PDCL2: variants seen among roughly 807,000 people sequenced by gnomAD.
PDCL2 encodes phosducin like 2, also known as phosducin-like protein 2.
A neutral mutation model predicts 30.3 loss-of-function variants in PDCL2; 23 were observed. The ratio of observed to expected loss-of-function variants is 0.76; its 90% confidence interval spans 0.55 to 1.08. The LOEUF (loss-of-function observed/expected upper bound fraction) is 1.08, where lower values mean the gene tolerates loss of function less well. Among genes scored for constraint, PDCL2 ranks in the 50% least tolerant of loss-of-function variants. The pLI is 0.00. For missense variants in PDCL2, 243 were observed against 282.3 expected, an observed-to-expected ratio of 0.86 and a Z score of 1.00; for synonymous variants, 68 against 86.2, an observed-to-expected ratio of 0.79 and a Z score of 1.17.
intron 4 of PDCL2, among the ~76,000 whole-genome samples, chr4:55,569,483 G>A (rs553149969): frequency 6.6e-6 from 1 of 152,162 alleles, no homozygotes; most frequent in South Asian, 2.1e-4. Flanking sequence ...CTACCAAAGA[G>A]TGCTTATTTT....
chr4:55,573,547 C>G (rs1457347028), intron 3 of PDCL2, among the ~76,000 whole-genome samples: 1 of 152,010 alleles, frequency 6.6e-6, no homozygotes, highest in Non-Finnish European at 1.5e-5. Flanking sequence ...GTCAGGAGTT[C>G]GAGACCAGCC....
At chr4:55,579,560 A>T (rs548762683) in intron 3 of PDCL2, among the ~76,000 whole-genome samples, 1 of 151,752 alleles carries the variant, frequency 6.6e-6, no homozygotes, top group East Asian at 2.0e-4. Context: ...CAGGTGATCC[A>T]CCCGCCTTGG....
At chr4:55,564,962 A>T (rs1227279039) in intron 4 of PDCL2, among the ~76,000 whole-genome samples, 4 of 152,154 alleles carry the variant, frequency 2.6e-5, no homozygotes, top group Admixed American at 2.6e-4. Context: ...TAACTCTGGG[A>T]GAATTTCAGT....
chr4:55,569,589 G>T, intron 4 of PDCL2, 129 bp downstream of exon 4: 1 of 458,862 alleles, frequency 2.2e-6, no homozygotes, highest in Non-Finnish European at 3.7e-6. Flanking sequence ...AACCTCTATG[G>T]ATGTATATGT....
At chr4:55,558,891 C>T (rs1225456701) in intron 5 of PDCL2, among the ~76,000 whole-genome samples, 1 of 152,094 alleles carries the variant, frequency 6.6e-6, no homozygotes, top group Non-Finnish European at 1.5e-5. Context: ...CACACATACC[C>T]ACTCTTATAA....
chr4:55,582,295 G>C, intron 1 of PDCL2, 58 bp from the exon 2 acceptor site: 1 of 1,479,758 alleles, frequency 6.8e-7, no homozygotes, highest in East Asian at 2.3e-5. Context: ...ATATGTATTT[G>C]GAAAATTCAT....
At chr4:55,589,971 C>T (rs1229761422) in intron 1 of PDCL2, among the ~76,000 whole-genome samples, 1 of 151,872 alleles carries the variant, frequency 6.6e-6, no homozygotes, top group South Asian at 2.1e-4. Flanking sequence ...CCAAAGCAGG[C>T]AGATCTTTTG....
At chr4:55,580,977 T>A in intron 2 of PDCL2, 66 bp from the exon 3 acceptor site, 1 of 1,166,138 alleles carries the variant, frequency 8.6e-7, no homozygotes, top group Non-Finnish European at 1.1e-6. Context: ...AGTCAATGTC[T>A]AGAAAAAAAC....
chr4:55,571,522 C>T (rs531887361), intron 3 of PDCL2, among the ~76,000 whole-genome samples: 1 of 142,592 alleles, frequency 7.0e-6, no homozygotes, highest in Admixed American at 7.3e-5. Flanking sequence ...CCCGTCTCTA[C>T]TAAAAATACA....
intron 1 of PDCL2, among the ~76,000 whole-genome samples, chr4:55,587,565 T>A (rs921250157): frequency 7.4e-5 from 11 of 148,156 alleles, no homozygotes; most frequent in South Asian, 2.1e-4. Flanking sequence ...TTTTTTTAAA[T>A]TTTTTTTTTT....
intron 4 of PDCL2, among the ~76,000 whole-genome samples, chr4:55,566,429 C>CTTTTTTTTTTTT (rs59299412): frequency 7.1e-5 from 9 of 126,912 alleles, no homozygotes; most frequent in South Asian, 2.5e-4. Context: ...TCCTTTTTCT[C>CTTTTTTTTTTTT]TTTTTTTTTT....
intron 3 of PDCL2, among the ~76,000 whole-genome samples, chr4:55,575,132 C>G (rs149358545): frequency 6.6e-6 from 1 of 152,208 alleles, no homozygotes; most frequent in East Asian, 1.9e-4. Context: ...TAGTTAGTGT[C>G]AGAATTGAAA....
chr4:55,571,050 G>A (rs941739069), intron 3 of PDCL2, among the ~76,000 whole-genome samples: 10 of 152,030 alleles, frequency 6.6e-5, no homozygotes, highest in Non-Finnish European at 1.3e-4. Context: ...TTATCAGACT[G>A]AGCCATGATC....
intron 4 of PDCL2, among the ~76,000 whole-genome samples, chr4:55,566,609 G>A (rs1031747158): frequency 2.0e-5 from 3 of 151,110 alleles, no homozygotes; most frequent in Non-Finnish European, 4.4e-5. Flanking sequence ...TGTATTTTTA[G>A]TAGAGATGGG....
intron 3 of PDCL2, among the ~76,000 whole-genome samples, chr4:55,577,142 G>A (rs777132718): frequency 1.3e-5 from 2 of 152,178 alleles, no homozygotes; most frequent in Non-Finnish European, 1.5e-5. Flanking sequence ...TGATCCGCCT[G>A]CCTTGGTCTC....
At chr4:55,585,647 A>G (rs1732841946) in intron 1 of PDCL2, among the ~76,000 whole-genome samples, 1 of 152,128 alleles carries the variant, frequency 6.6e-6, no homozygotes, top group South Asian at 2.1e-4. Context: ...TGTTTGGTCA[A>G]ATTTACTGGT....
chr4:55,590,501 C>T (rs1250374490), intron 1 of PDCL2, among the ~76,000 whole-genome samples: 1 of 151,116 alleles, frequency 6.6e-6, no homozygotes, highest in African/African-American at 2.4e-5. Context: ...ATTTTTTCCC[C>T]CCCGAGATGG....
chr4:55,592,085 G>C lies in PDCL2; in HGVS notation c.6+19C>G. On this transcript the variant is annotated intron_variant, in intron 1 of 5. Transcript: ENST00000295645. The stretch of plus-strand genomic sequence containing the variant: ...CCCACTGGGTGTTCCAGGGTGGCTC[G>C]GCAGGTCCCGACCCTCACCTGCATG... 3.1e-6 allele frequency: 5 copies of C among 1,608,336 alleles called. No homozygotes were observed. Among genetic ancestry groups the C allele is most frequent in the Non-Finnish European group, 4.2e-6 (5 of 1,178,114 alleles).
chr4:55,585,834 A>G (rs919271086), intron 1 of PDCL2, among the ~76,000 whole-genome samples: 1 of 152,108 alleles, frequency 6.6e-6, no homozygotes, highest in Non-Finnish European at 1.5e-5. Context: ...TTGGCATGTA[A>G]CTGTTCATAT....
Sources: gnomAD v4.1 joint callset for allele counts (sites outside exome capture counted in the v4.1 genomes callset) on GRCh38, gnomAD v4.1.1 for gene constraint, MANE v1.5 for transcripts, NCBI Gene and HGNC (gene_info 2026-07-23, HGNC 2026-07-21) for gene names.